Variants in ATG10 observed in about 807,000 individuals in gnomAD.
ATG10 encodes the protein ubiquitin-like-conjugating enzyme ATG10.
A neutral mutation model predicts 32.1 loss-of-function variants in ATG10; 30 were observed. That is an observed-to-expected ratio of 0.94 (90% confidence interval 0.70 to 1.27). ATG10 has a LOEUF of 1.27. Among genes scored for constraint, ATG10 ranks in the 50% most tolerant of loss-of-function variants. ATG10 has a pLI of 0.00. For missense variants in ATG10, 233 were observed against 262.3 expected (o/e 0.89, Z 0.77); for synonymous variants, 87 against 91.5 (o/e 0.95, Z 0.28).
chr5:82,003,215 C>T (rs1761897732), intron 2 of ATG10, among the ~76,000 whole-genome samples: 1 of 152,100 alleles, frequency 6.6e-6, no homozygotes, highest in East Asian at 1.9e-4. Flanking sequence ...AGTAGAAAAT[C>T]AAAGAAATTA....
chr5:82,081,492 G>T (rs1386724707), intron 3 of ATG10, among the ~76,000 whole-genome samples: 2 of 152,134 alleles, frequency 1.3e-5, no homozygotes, highest in Non-Finnish European at 2.9e-5. Flanking sequence ...ATTGGCTGTG[G>T]GTTTGTCATA....
intron 3 of ATG10, among the ~76,000 whole-genome samples, chr5:82,139,034 G>A (rs1766911648): frequency 6.6e-6 from 1 of 150,540 alleles, no homozygotes; most frequent in South Asian, 2.1e-4. Flanking sequence ...GGTGGAGACG[G>A]GGTTTCGCTG....
At chr5:81,999,571 TACAAAA>T (rs1459599194) in intron 2 of ATG10, among the ~76,000 whole-genome samples, 1 of 151,932 alleles carries the variant, frequency 6.6e-6, no homozygotes, top group African/African-American at 2.4e-5. Flanking sequence ...AAAAAAGCCA[TACAAAA>T]GATCAGCAAA....
chr5:82,000,405 ACAAGGGAAGGATGC>A (rs971479983), intron 2 of ATG10, among the ~76,000 whole-genome samples: 2 of 152,198 alleles, frequency 1.3e-5, no homozygotes, highest in Non-Finnish European at 2.9e-5. Flanking sequence ...AAAAACCAGA[ACAAGGGAAGGATGC>A]CCTCTCTCAT....
At chr5:82,129,597 G>T (rs1230087914) in intron 3 of ATG10, among the ~76,000 whole-genome samples, 1 of 152,060 alleles carries the variant, frequency 6.6e-6, no homozygotes, top group South Asian at 2.1e-4. Flanking sequence ...TAATAGTCAG[G>T]CCTCTCTGCT....
At chr5:82,070,640 C>G (rs867675060) in intron 3 of ATG10, among the ~76,000 whole-genome samples, 2 of 152,120 alleles carry the variant, frequency 1.3e-5, no homozygotes, top group Middle Eastern at 3.2e-3. Flanking sequence ...TGCTTTCTTA[C>G]TTAGTCTTGA....
chr5:82,204,022 G>A (rs181227711), intron 5 of ATG10, among the ~76,000 whole-genome samples: 1 of 152,226 alleles, frequency 6.6e-6, no homozygotes, highest in African/African-American at 2.4e-5. Context: ...ATAAACAAAA[G>A]AAGTAAATTA....
intron 3 of ATG10, among the ~76,000 whole-genome samples, chr5:82,127,166 T>C (rs150176458): frequency 0.084 from 12,771 of 151,446 alleles, 825 homozygotes; most frequent in African/African-American, 0.19. Context: ...TTTGATTCTT[T>C]TCTGTTTTCT....
intron 3 of ATG10, among the ~76,000 whole-genome samples, chr5:82,114,509 C>A (rs1348883791): frequency 6.6e-6 from 1 of 152,026 alleles, no homozygotes; most frequent in Admixed American, 6.6e-5. Context: ...TATAAAATTA[C>A]AGCTATATTT....
intron 3 of ATG10, among the ~76,000 whole-genome samples, chr5:82,080,676 T>C (rs1764447460): frequency 1.3e-5 from 2 of 152,352 alleles, no homozygotes; most frequent in East Asian, 3.9e-4. Flanking sequence ...TGGTTGTAGA[T>C]GTGTGGCATT....
intron 3 of ATG10, among the ~76,000 whole-genome samples, chr5:82,085,691 G>T (rs1764659235): frequency 6.6e-6 from 1 of 151,826 alleles, no homozygotes; most frequent in South Asian, 2.1e-4. Flanking sequence ...ATATAGAATT[G>T]CAATAGGTAC....
Position 82,200,463 on chromosome 5 carries a change from CTTTTTTTT to C in ATG10, c.453+21897_453+21904del, listed in dbSNP as rs764388608. Among the ~76,000 whole-genome samples the C allele has an allele frequency of 7.6e-5, 4 of 52,558 alleles. 1 individual carries two copies. Among genetic ancestry groups the C allele is most frequent in the East Asian group, 5.3e-4 (1 of 1,884 alleles). 34.5% of individuals were successfully genotyped at this position (52,558 alleles called of 152,430 possible). On this transcript the variant is annotated intron_variant, in intron 5 of 7. Coordinates refer to ENST00000282185, the MANE Select transcript of ATG10 (RefSeq NM_031482.5). ...ATCTTTTCAAATCTTTCCCTAACTT[CTTTTTTTT>C]TTTTTTTTTTTTTTTTTTTTGAGGG...
At chr5:82,060,869 C>A (rs1349777086) in intron 3 of ATG10, among the ~76,000 whole-genome samples, 1 of 151,622 alleles carries the variant, frequency 6.6e-6, no homozygotes, top group Non-Finnish European at 1.5e-5. Flanking sequence ...AAAAAAAGTT[C>A]ATGTTAAGTG....
chr5:82,120,266 C>T (rs912073603), intron 3 of ATG10, among the ~76,000 whole-genome samples: 2 of 152,056 alleles, frequency 1.3e-5, no homozygotes, highest in Admixed American at 6.6e-5. Context: ...CTTCTGATTC[C>T]GTTAGTTGTT....
At chr5:82,165,374 T>C (rs1371418673) in intron 4 of ATG10, among the ~76,000 whole-genome samples, 1 of 152,244 alleles carries the variant, frequency 6.6e-6, no homozygotes, top group African/African-American at 2.4e-5. Flanking sequence ...ATTTAGCCAA[T>C]GATATTTTAT....
At chr5:82,019,971 G>A (rs1034747156) in intron 2 of ATG10, among the ~76,000 whole-genome samples, 2 of 152,244 alleles carry the variant, frequency 1.3e-5, no homozygotes, top group Non-Finnish European at 2.9e-5. Flanking sequence ...GATGGTGACT[G>A]CCTGGATTAG....
chr5:82,012,964 C>CTTTTTTTTTTTT (rs1327668079), intron 2 of ATG10, among the ~76,000 whole-genome samples: 1 of 137,876 alleles, frequency 7.3e-6, no homozygotes. Flanking sequence ...TTCTTTCATT[C>CTTTTTTTTTTTT]TTTTTTTTTT....
At chr5:82,180,672 C>T (rs1744195739) in intron 5 of ATG10, among the ~76,000 whole-genome samples, 1 of 152,024 alleles carries the variant, frequency 6.6e-6, no homozygotes, top group East Asian at 1.9e-4. Flanking sequence ...AGAAAGATGG[C>T]AAAAGATAGA....
intron 2 of ATG10, among the ~76,000 whole-genome samples, chr5:82,015,300 G>A (rs562696878): frequency 9.2e-5 from 14 of 152,306 alleles, no homozygotes; most frequent in African/African-American, 3.4e-4. Flanking sequence ...TGACAATGAT[G>A]TGTTGTGGAG....
Sources: allele counts gnomAD v4.1 joint callset (sites outside exome capture counted in the v4.1 genomes callset), GRCh38; gene constraint gnomAD v4.1.1; transcripts MANE v1.5; gene names NCBI Gene and HGNC (gene_info 2026-07-23, HGNC 2026-07-21).